Variants in TRIM67 observed in about 807,000 individuals in gnomAD.
TRIM67 encodes tripartite motif containing 67, also known as tripartite motif-containing protein 67.
TRIM67 carries 39 observed loss-of-function variants against 71.0 expected under a neutral mutation model. That is an observed-to-expected ratio of 0.55 (90% confidence interval 0.43 to 0.72). TRIM67 has a LOEUF of 0.72. Among genes scored for constraint, TRIM67 ranks in the 30% least tolerant of loss-of-function variants. TRIM67 has a pLI of 0.00. For synonymous variants in TRIM67, 481 were observed against 473.9 expected (o/e 1.01, Z -0.19); for missense variants, 973 against 1,079.2 (o/e 0.90, Z 1.38).
intron 1 of TRIM67, among the ~76,000 whole-genome samples, chr1:231,168,655 T>C (rs1362925446): frequency 6.6e-6 from 1 of 152,254 alleles, no homozygotes; most frequent in Non-Finnish European, 1.5e-5. Flanking sequence ...ATTACATTAT[T>C]GTTATAACTA....
At chr1:231,204,899 T>A (rs1683654341) in intron 6 of TRIM67, among the ~76,000 whole-genome samples, 1 of 152,148 alleles carries the variant, frequency 6.6e-6, no homozygotes, top group Admixed American at 6.5e-5. Context: ...AATGTAAGAA[T>A]TATGGAAATA....
chr1:231,200,584 C>T (rs1683492985), intron 4 of TRIM67, among the ~76,000 whole-genome samples: 1 of 152,208 alleles, frequency 6.6e-6, no homozygotes, highest in African/African-American at 2.4e-5. Context: ...GCAGAATCCA[C>T]ATGGCCCATT....
At chr1:231,214,064 C>A (rs929792643) in intron 9 of TRIM67, 87 bp downstream of exon 9, 35 of 1,416,010 alleles carry the variant, frequency 2.5e-5, no homozygotes, top group Non-Finnish European at 3.3e-5. Flanking sequence ...CAGAGTGGGC[C>A]ATAAAGAAGC....
intron 5 of TRIM67, among the ~76,000 whole-genome samples, chr1:231,203,582 G>A (rs116505404): frequency 8.5e-5 from 13 of 152,194 alleles, no homozygotes; most frequent in Non-Finnish European, 1.8e-4. Flanking sequence ...TCCTTCCTTA[G>A]GGCCATAGGC....
chr1:231,165,006 TG>T (rs2102708928), intron 1 of TRIM67, among the ~76,000 whole-genome samples: 1 of 152,236 alleles, frequency 6.6e-6, no homozygotes, highest in East Asian at 1.9e-4. Flanking sequence ...ATAATACATA[TG>T]AAAAAAAGAT....
At chr1:231,172,353 G>A (rs1682639156) in intron 1 of TRIM67, among the ~76,000 whole-genome samples, 1 of 152,178 alleles carries the variant, frequency 6.6e-6, no homozygotes, top group Admixed American at 6.5e-5. Context: ...TCGAAGGTGG[G>A]GACGGGATGG....
intron 1 of TRIM67, among the ~76,000 whole-genome samples, chr1:231,176,905 GCA>G (rs1682763282): frequency 2.5e-5 from 1 of 39,392 alleles, no homozygotes. Flanking sequence ...ATACAATCTG[GCA>G]AAAAAAAAAA....
chr1:231,166,805 T>C (rs1309081949), intron 1 of TRIM67, among the ~76,000 whole-genome samples: 2 of 152,220 alleles, frequency 1.3e-5, no homozygotes, highest in Admixed American at 6.5e-5. Flanking sequence ...AAACTTTAGG[T>C]CTTGGCTAAA....
intron 1 of TRIM67, among the ~76,000 whole-genome samples, chr1:231,192,068 G>A (rs1683243392): frequency 6.6e-6 from 1 of 152,108 alleles, no homozygotes; most frequent in Non-Finnish European, 1.5e-5. Context: ...CAGTGCTTCG[G>A]GAGGCTGAGG....
chr1:231,177,508 T>C (rs573535853), intron 1 of TRIM67, among the ~76,000 whole-genome samples: 1 of 152,316 alleles, frequency 6.6e-6, no homozygotes, highest in South Asian at 2.1e-4. Context: ...CCAGGCTTGT[T>C]CTTGGTGTTA....
At chr1:231,171,876 C>T (rs1344032798) in intron 1 of TRIM67, among the ~76,000 whole-genome samples, 1 of 152,102 alleles carries the variant, frequency 6.6e-6, no homozygotes. Flanking sequence ...GGGCGAATTG[C>T]TTGAGGCCAA....
rs1558308092 is a variant in TRIM67 at position 231,211,046 on chromosome 1, A to ATT, written c.2123+1797_2123+1798insTT. Among the ~76,000 whole-genome samples, 56 of 136,042 alleles carry ATT rather than the reference A, an allele frequency of 4.1e-4. 1 individual carries two copies. Among genetic ancestry groups the ATT allele is most frequent in the African/African-American group, 1.3e-3 (42 of 33,166 alleles). 89.2% of individuals were successfully genotyped at this position (136,042 alleles called of 152,430 possible). On this transcript the variant is annotated intron_variant, in intron 8 of 9. Coordinates refer to ENST00000366653, the MANE Select transcript of TRIM67 (RefSeq NM_001004342.5). ...AAAAAAAAAAAATATATATATATAT[A>ATT]TATATTTTGTTTGTTTGTTTAATAT...
rs751741036 is a variant in TRIM67, at chr1:231,163,755, G to C, written c.786G>C (p.Glu262Asp). ...QPPPPPPPPA[E>D]AASGPTGTAQ... ...CGCCGCCGCCGCCGCCGCCCGCCGA[G>C]GCAGCCTCCGGGCCCACTGGCACCG... Residue 262 changes from glutamate to aspartate, a missense_variant, in exon 1 of 10, where the codon GAG becomes GAC. Physicochemically the swap from Glu to Asp is conservative, Grantham distance 45. Coordinates refer to ENST00000366653, the MANE Select transcript of TRIM67 (RefSeq NM_001004342.5). 2 of 1,492,942 alleles carry C rather than the reference G, an allele frequency of 1.3e-6. No individual in the cohort carries two copies. Among genetic ancestry groups the C allele is most frequent in the Non-Finnish European group, 1.8e-6 (2 of 1,121,310 alleles). 92.5% of individuals were successfully genotyped at this position (1,492,942 alleles called of 1,614,324 possible).
Position 231,181,915 on chromosome 1 carries a change from G to C in TRIM67, c.1045-15456G>C, listed in dbSNP as rs142724177. Among the ~76,000 whole-genome samples, 73 of 152,270 alleles carry C rather than the reference G, an allele frequency of 4.8e-4. 1 individual carries two copies. The East Asian group carries it at 0.014, about 28-fold the overall frequency. ...TCTTCTGCTATAATTCAAAATAGTA[G>C]AAACATAAGCCTAGCACTTCTGGAG... On this transcript the variant is annotated intron_variant, in intron 1 of 9. Transcript: ENST00000366653.
intron 2 of TRIM67, among the ~76,000 whole-genome samples, chr1:231,197,773 C>G (rs1374122730): frequency 6.6e-6 from 1 of 151,834 alleles, no homozygotes; most frequent in Admixed American, 6.6e-5. Context: ...TGCAGTGAGC[C>G]GAGATTGTGC....
chr1:231,173,581 G>T (rs968635840), intron 1 of TRIM67, among the ~76,000 whole-genome samples: 1 of 152,206 alleles, frequency 6.6e-6, no homozygotes, highest in South Asian at 2.1e-4. Flanking sequence ...GTGTTTAAAC[G>T]ACAGAAATGG....
chr1:231,173,760 C>G (rs1384353519), intron 1 of TRIM67, among the ~76,000 whole-genome samples: 2 of 152,152 alleles, frequency 1.3e-5, no homozygotes, highest in Admixed American at 6.5e-5. Context: ...TGTGATGTTT[C>G]TTTTCTAAAA....
intron 8 of TRIM67, among the ~76,000 whole-genome samples, chr1:231,211,668 T>A (rs1247575880): frequency 3.9e-5 from 6 of 152,232 alleles, no homozygotes; most frequent in Non-Finnish European, 7.3e-5. Flanking sequence ...GAATCCTCGC[T>A]GCTCACCTTC....
At chr1:231,207,069 G>T (rs997275726) in intron 7 of TRIM67, among the ~76,000 whole-genome samples, 1 of 152,190 alleles carries the variant, frequency 6.6e-6, no homozygotes, top group African/African-American at 2.4e-5. Context: ...GGAGGGGCCG[G>T]TTGAGGTGCA....
Sources: allele counts gnomAD v4.1 joint callset (sites outside exome capture counted in the v4.1 genomes callset), GRCh38; gene constraint gnomAD v4.1.1; transcripts MANE v1.5; gene names NCBI Gene and HGNC (gene_info 2026-07-23, HGNC 2026-07-21).